Variants in SMARCC2 observed in about 807,000 individuals in gnomAD.
SMARCC2 encodes the protein SWI/SNF related BAF chromatin remodeling complex subunit C2.
In SMARCC2, 15 loss-of-function variants were observed where a neutral mutation model predicts 151.3. That is an observed-to-expected ratio of 0.10 (90% CI 0.07 to 0.15). SMARCC2 has a LOEUF of 0.15. Among genes scored for constraint, SMARCC2 ranks in the 10% least tolerant of loss-of-function variants. SMARCC2 has a pLI of 1.00. For missense variants in SMARCC2, 1,031 were observed against 1,599.7 expected, an observed-to-expected ratio of 0.64 and a Z score of 6.06; for synonymous variants, 590 against 609.5, an observed-to-expected ratio of 0.97 and a Z score of 0.47.
At chr12:56,182,887 G>A (rs930783336) in intron 7 of SMARCC2, among the ~76,000 whole-genome samples, 1 of 148,484 alleles carries the variant, frequency 6.7e-6, no homozygotes, top group Non-Finnish European at 1.5e-5. Flanking sequence ...AGGTTGAAGT[G>A]CAGTGGTGCA....
intron 2 of SMARCC2, 108 bp from the exon 3 acceptor site, chr12:56,186,348 CCT>C (rs1877244717): frequency 1.2e-5 from 8 of 675,788 alleles, no homozygotes; most frequent in African/African-American, 3.7e-5. Context: ...AATTGATCTC[CCT>C]TTTTTTTTTT....
At chr12:56,180,947 T>G in intron 11 of SMARCC2, 30 bp downstream of exon 11, 1 of 1,586,550 alleles carries the variant, frequency 6.3e-7, no homozygotes, top group Non-Finnish European at 8.6e-7. Context: ...GGAGTGGGGG[T>G]GGATCCCAGG....
intron 14 of SMARCC2, 64 bp downstream of exon 14, chr12:56,178,340 A>G: frequency 6.3e-7 from 1 of 1,580,152 alleles, no homozygotes; most frequent in South Asian, 1.1e-5. Flanking sequence ...AGGGAGAAGA[A>G]CAGCCTGTTG....
At chr12:56,168,531 C>T (rs1455357034) in intron 25 of SMARCC2, among the ~76,000 whole-genome samples, 1 of 152,016 alleles carries the variant, frequency 6.6e-6, no homozygotes, top group East Asian at 1.9e-4. Context: ...TGCGCCACCA[C>T]GCCGGCTAAT....
intron 27 of SMARCC2, among the ~76,000 whole-genome samples, chr12:56,165,105 C>T (rs906628369): frequency 2.9e-4 from 44 of 152,228 alleles, no homozygotes; most frequent in African/African-American, 1.0e-3. Context: ...ACTATCTTCC[C>T]CTTTTCTGAC....
chr12:56,189,154 G>C (rs1182154699), intron 1 of SMARCC2, among the ~76,000 whole-genome samples, 197 bp downstream of exon 1: 1 of 140,532 alleles, frequency 7.1e-6, no homozygotes, highest in African/African-American at 2.6e-5. Flanking sequence ...CGGGGGCTGG[G>C]CTCAGAGGCT....
Position 56,182,486 on chromosome 12 carries a change from G to A in SMARCC2, c.633-407C>T, listed in dbSNP as rs370170525. On this transcript the variant is annotated intron_variant, in intron 7 of 28. Coordinates refer to ENST00000550164, the MANE Select transcript of SMARCC2 (RefSeq NM_001330288.2). Reference sequence around the variant, plus strand: ...ATTACAGGTGCCTGCCACTGCGCCCGGCTAATTTTTATATTTTTAGTACAG... The same window carrying A: ...ATTACAGGTGCCTGCCACTGCGCCCAGCTAATTTTTATATTTTTAGTACAG... Among the ~76,000 whole-genome samples, 49 of 151,484 alleles carry A rather than the reference G, an allele frequency of 3.2e-4. No individual in the cohort carries two copies. In the East Asian group the frequency reaches 6.8e-3, roughly 21 times the overall value.
rs887129008 is a variant in SMARCC2 at position 56,163,133 on chromosome 12, G to C, written c.*556C>G. On this transcript the variant is annotated 3_prime_UTR_variant, in exon 29 of 29. Coordinates refer to ENST00000550164, the MANE Select transcript of SMARCC2 (RefSeq NM_001330288.2). ...AATAAGCTCAGCGTAGGGTGGGGGA[G>C]GGGAGTTGGGGCCTTGACTTAGTCA... 6.6e-6 allele frequency: 1 copy of C among 152,026 alleles called. No individual in the cohort carries two copies. The highest frequency in any genetic ancestry group is 6.6e-5 in the Admixed American group (1 of 15,254). The allele number at this position is 152,026 out of a possible 1,614,324, so 9.4% of individuals were successfully genotyped here.
In SMARCC2 at chr12:56,171,173, T is replaced by C; in HGVS notation, c.2347+98A>G. 3.4e-6 allele frequency: 4 copies of C among 1,191,784 alleles called. No homozygotes were observed. The highest frequency in any genetic ancestry group is 3.7e-6 in the Non-Finnish European group (3 of 814,520). 73.8% of individuals were successfully genotyped at this position (1,191,784 alleles called of 1,614,324 possible). A position where few individuals can be genotyped will look rare whatever the true frequency, so the allele number is the denominator to read the frequency against. The stretch of plus-strand genomic sequence containing the variant: ...ACCCTACCAATGTTCTCATTCATGT[T>C]GTGCTCTAATGCCAACTTGAGGCAG... On this transcript the variant is annotated intron_variant, in intron 22 of 28. Coordinates refer to ENST00000550164, the MANE Select transcript of SMARCC2 (RefSeq NM_001330288.2). This position sits in a 1 kb window ranked among gnomAD's most constrained non-coding sequence, Gnocchi z 4.2.
chr12:56,184,465 G>T (rs996776272), intron 5 of SMARCC2: 4 of 574,162 alleles, frequency 7.0e-6, no homozygotes, highest in Non-Finnish European at 1.2e-5. Flanking sequence ...ATAATCTTCT[G>T]AACAGATAAT....
At chr12:56,183,323 ATT>A (rs56122523) in intron 7 of SMARCC2, 238 of 139,386 alleles carry the variant, frequency 1.7e-3, no homozygotes, top group East Asian at 2.8e-3. Context: ...CGCCCTGCTA[ATT>A]TTTTTTTTTT....
chr12:56,174,456 A>G, intron 16 of SMARCC2, 195 bp downstream of exon 16: 1 of 546,328 alleles, frequency 1.8e-6, no homozygotes, highest in East Asian at 3.0e-5. Flanking sequence ...TCTTTGTCCT[A>G]TATTCTACAC....
chr12:56,172,904 T>C, intron 18 of SMARCC2, 33 bp downstream of exon 18: 1 of 1,606,520 alleles, frequency 6.2e-7, no homozygotes, highest in Non-Finnish European at 8.5e-7. Context: ...AAGGGGAAAA[T>C]GAGCAGCCCA....
In SMARCC2 at chr12:56,187,321, G is replaced by C. The variant is rs569145074; in HGVS notation, c.112-15C>G. The C allele has an allele frequency of 6.2e-7, 1 of 1,605,682 alleles. No homozygotes were observed. The highest frequency in any genetic ancestry group is 1.3e-5 in the African/African-American group (1 of 74,588). ...GCTTGTATATACTAAGGAAAAAGAG[G>C]GAAAGGAAAGAAAAATAGATCTCAG... On this transcript the variant is annotated splice_polypyrimidine_tract_variant and intron_variant, in intron 1 of 28. Coordinates refer to ENST00000550164, the MANE Select transcript of SMARCC2 (RefSeq NM_001330288.2).
In SMARCC2 at chr12:56,171,190, T is replaced by C. The variant is rs1012206820; in HGVS notation, c.2347+81A>G. ...ATTCATGTTGTGCTCTAATGCCAAC[T>C]TGAGGCAGAAATGGCACAGGAGGCC... On this transcript the variant is annotated intron_variant, in intron 22 of 28. Coordinates refer to ENST00000550164, the MANE Select transcript of SMARCC2 (RefSeq NM_001330288.2). The surrounding 1 kb of genome is among the most constrained non-coding windows in gnomAD (Gnocchi z 4.2). The C allele has an allele frequency of 2.1e-6, 3 of 1,424,370 alleles. No individual in the cohort carries two copies. The highest frequency in any genetic ancestry group is 2.3e-5 in the East Asian group (1 of 43,700). The allele number at this position is 1,424,370 out of a possible 1,614,324, so 88.2% of individuals were successfully genotyped here. A position where few individuals can be genotyped will look rare whatever the true frequency, so the allele number is the denominator to read the frequency against.
chr12:56,189,226 G>A (rs1877896775), intron 1 of SMARCC2, 125 bp downstream of exon 1: 5 of 403,434 alleles, frequency 1.2e-5, no homozygotes, highest in African/African-American at 2.3e-5. Context: ...CGCGCGGGGG[G>A]CTGCTTGGGA....
chr12:56,187,385 G>A (rs1312250146), intron 1 of SMARCC2, 79 bp from the exon 2 acceptor site: 6 of 1,373,930 alleles, frequency 4.4e-6, no homozygotes, highest in Non-Finnish European at 6.1e-6. Context: ...TCCCCCAGGG[G>A]CTCTGGAAGC....
At chr12:56,175,862 A>T (rs113961577) in intron 15 of SMARCC2, among the ~76,000 whole-genome samples, 29 of 148,502 alleles carry the variant, frequency 2.0e-4, no homozygotes, top group Non-Finnish European at 2.8e-4. Context: ...ATCATTTACT[A>T]TTTTTTTTTT....
Position 56,162,562 on chromosome 12 carries a change from G to C in SMARCC2, c.*1127C>G, listed in dbSNP as rs1872025231. On this transcript the variant is annotated 3_prime_UTR_variant, in exon 29 of 29. Coordinates refer to ENST00000550164, the MANE Select transcript of SMARCC2 (RefSeq NM_001330288.2). ...GAGTCACACCTGCCTTCCCGTCACAGGGGAGAAGCTGGGACACGTGGAGCA... is the reference window on the plus strand; with the variant it reads ...GAGTCACACCTGCCTTCCCGTCACACGGGAGAAGCTGGGACACGTGGAGCA... The C allele has an allele frequency of 2.1e-6, 1 of 481,414 alleles. No homozygotes were observed. The highest frequency in any genetic ancestry group is 3.7e-6 in the Non-Finnish European group (1 of 273,714). 29.8% of individuals were successfully genotyped at this position (481,414 alleles called of 1,614,324 possible).
Sources: gnomAD v4.1 joint callset for allele counts (sites outside exome capture counted in the v4.1 genomes callset) on GRCh38, gnomAD v4.1.1 for gene constraint, Gnocchi (gnomAD v3.1) non-coding constraint, MANE v1.5 for transcripts, NCBI Gene and HGNC (gene_info 2026-07-23, HGNC 2026-07-21) for gene names.